Variants in FMNL3 observed in about 807,000 individuals in gnomAD.
The protein encoded by FMNL3 is formin-like protein 3.
Under a neutral mutation model 119.6 loss-of-function variants are expected in FMNL3, and 57 were observed. The observed-to-expected ratio is 0.48, with a 90% CI of 0.39 to 0.59. The LOEUF (loss-of-function observed/expected upper bound fraction) is 0.59, where lower values mean the gene tolerates loss of function less well. Among genes scored for constraint, FMNL3 ranks in the 20% least tolerant of loss-of-function variants. FMNL3 has a pLI of 0.00. For synonymous variants in FMNL3, 491 were observed against 507.3 expected, an observed-to-expected ratio of 0.97 and a Z score of 0.43; for missense variants, 1,053 against 1,323.5, an observed-to-expected ratio of 0.80 and a Z score of 3.17.
At chr12:49,673,255 G>A (rs1360361880) in intron 1 of FMNL3, among the ~76,000 whole-genome samples, 3 of 152,200 alleles carry the variant, frequency 2.0e-5, no homozygotes, top group Admixed American at 1.3e-4. Context: ...GCCCCTGACC[G>A]CAGGTCCAAG....
chr12:49,679,012 T>C (rs1455194182), intron 1 of FMNL3, among the ~76,000 whole-genome samples: 1 of 152,052 alleles, frequency 6.6e-6, no homozygotes, highest in African/African-American at 2.4e-5. Context: ...ATAAGTAGGA[T>C]AATAACAATA....
Position 49,640,393 on chromosome 12 carries a change from T to C in FMNL3, c.*5422A>G, listed in dbSNP as rs1216407980. 6.6e-6 allele frequency: 1 copy of C among 152,186 alleles called. No individual in the cohort carries two copies. Among genetic ancestry groups the C allele is most frequent in the Non-Finnish European group, 1.5e-5 (1 of 68,056 alleles). 9.4% of individuals were successfully genotyped at this position (152,186 alleles called of 1,614,324 possible). The stretch of plus-strand genomic sequence containing the variant: ...TAAGTGCTGTTCTCAGGAACATGCA[T>C]ATGCAAGAGAATAAAAGGTCAGAGA... On this transcript the variant is annotated 3_prime_UTR_variant, in exon 26 of 26. Transcript: ENST00000335154.
At chr12:49,672,535 G>A (rs1208672220) in intron 1 of FMNL3, among the ~76,000 whole-genome samples, 2 of 152,222 alleles carry the variant, frequency 1.3e-5, no homozygotes, top group Admixed American at 1.3e-4. Context: ...CCAGTTTGAG[G>A]CCAGGCAAAT....
Position 49,649,640 on chromosome 12 carries a change from G to A in FMNL3, c.2235+51C>T. On this transcript the variant is annotated intron_variant, in intron 18 of 25. Coordinates refer to ENST00000335154, the MANE Select transcript of FMNL3 (RefSeq NM_175736.5). This position sits in a 1 kb window ranked among gnomAD's most constrained non-coding sequence, Gnocchi z 5.6. ...AGGGCAGGGGAGGTGACTAGCAGAT[G>A]GAGGGTGGAGGGACAGCTGTCCAGA... 6.2e-7 allele frequency: 1 copy of A among 1,610,816 alleles called. No individual in the cohort carries two copies. The highest frequency in any genetic ancestry group is 8.5e-7 in the Non-Finnish European group (1 of 1,177,068).
intron 25 of FMNL3, 153 bp downstream of exon 25, chr12:49,646,733 T>C (rs1489423818): frequency 6.4e-7 from 1 of 1,569,776 alleles, no homozygotes; most frequent in Non-Finnish European, 8.6e-7. Flanking sequence ...GTACGGGCCG[T>C]GAAAGGGACA....
At chr12:49,685,282 C>A (rs1171049676) in intron 1 of FMNL3, among the ~76,000 whole-genome samples, 1 of 151,852 alleles carries the variant, frequency 6.6e-6, no homozygotes, top group African/African-American at 2.4e-5. Flanking sequence ...CCCAGGAGTT[C>A]GAGACCAGCC....
chr12:49,696,847 A>C (rs902147231), intron 1 of FMNL3, among the ~76,000 whole-genome samples: 1 of 152,234 alleles, frequency 6.6e-6, no homozygotes, highest in Non-Finnish European at 1.5e-5. Flanking sequence ...ACCAATAACC[A>C]GGGCTCCTTC....
rs1168653116 is a variant in FMNL3 at position 49,654,898 on chromosome 12, C to G, written c.960+12G>C. On this transcript the variant is annotated intron_variant, in intron 10 of 25. Transcript: ENST00000335154. ...TGGTGGGTATGTGCTGGACCCAGGC[C>G]CAGTTCCTCACCATGAAGTCAATAT... 13 of 1,613,406 alleles carry G rather than the reference C, an allele frequency of 8.1e-6. No homozygotes were observed. Among genetic ancestry groups the G allele is most frequent in the South Asian group, 2.2e-5 (2 of 91,024 alleles).
Position 49,649,598 on chromosome 12 carries a change from G to A in FMNL3, c.2236-60C>T. 1 of 1,611,992 alleles carries A rather than the reference G, an allele frequency of 6.2e-7. No homozygotes were observed. Among genetic ancestry groups the A allele is most frequent in the South Asian group, 1.1e-5 (1 of 90,982 alleles). On this transcript the variant is annotated intron_variant, in intron 18 of 25. Transcript: ENST00000335154. The surrounding 1 kb of genome is among the most constrained non-coding windows in gnomAD (Gnocchi z 5.6). Reference sequence around the variant, plus strand: ...GCTGAGATGGGGTAAAGACAGGGAGGGGTCAGAAGGACTGGAAGGGCAGGG... The same window carrying A: ...GCTGAGATGGGGTAAAGACAGGGAGAGGTCAGAAGGACTGGAAGGGCAGGG...
intron 1 of FMNL3, among the ~76,000 whole-genome samples, chr12:49,703,742 GC>G (rs1232086520): frequency 2.0e-5 from 3 of 152,140 alleles, no homozygotes; most frequent in African/African-American, 7.2e-5. Context: ...TCTTCTCATA[GC>G]CCTCATCTCA....
intron 5 of FMNL3, chr12:49,661,690 C>T (rs1943738272): frequency 5.0e-6 from 2 of 403,308 alleles, no homozygotes; most frequent in Non-Finnish European, 9.0e-6. Context: ...CATTTGGATG[C>T]CTTGGGTTCT....
In FMNL3 at chr12:49,707,149, G is replaced by A. The variant is rs929123325; in HGVS notation, c.32C>T (p.Pro11Leu). The A allele has an allele frequency of 4.4e-6, 7 of 1,592,426 alleles. No individual in the cohort carries two copies. The highest frequency in any genetic ancestry group is 4.1e-5 in the African/African-American group (3 of 73,328). MGNLESAEGV[P>L]GEPPSVPLLL... ...CAACGGGACAGAGGGGGGCTCTCCC[G>A]GGACCCCCTCGGCGCTCTCCAGGTT... The change falls in exon 1 of 26, where the codon CCG (proline) becomes CTG (leucine). Residue 11 changes from proline (P) to leucine (L), a missense_variant. Physicochemically the swap from Pro to Leu is moderately conservative, Grantham distance 98 (BLOSUM62 -3). Coordinates refer to ENST00000335154, the MANE Select transcript of FMNL3 (RefSeq NM_175736.5).
intron 1 of FMNL3, among the ~76,000 whole-genome samples, chr12:49,677,317 A>C (rs1409623451): frequency 6.6e-6 from 1 of 152,204 alleles, no homozygotes; most frequent in Non-Finnish European, 1.5e-5. Flanking sequence ...ACCCTCCTAG[A>C]GGCACACATA....
intron 9 of FMNL3, among the ~76,000 whole-genome samples, chr12:49,655,617 G>A (rs1189340273): frequency 1.3e-5 from 2 of 152,128 alleles, no homozygotes; most frequent in African/African-American, 4.8e-5. Flanking sequence ...AGGGAAAGAA[G>A]GAGGAAGGGA....
At position 49,649,954 on chromosome 12, in the gene FMNL3, T is replaced by C; in HGVS notation, c.2001-29A>G. 6.4e-7 allele frequency: 1 copy of C among 1,568,414 alleles called. No individual in the cohort carries two copies. Among genetic ancestry groups the C allele is most frequent in the Non-Finnish European group, 8.7e-7 (1 of 1,145,138 alleles). On this transcript the variant is annotated intron_variant, in intron 17 of 25. Coordinates refer to ENST00000335154, the MANE Select transcript of FMNL3 (RefSeq NM_175736.5). This position sits in a 1 kb window ranked among gnomAD's most constrained non-coding sequence, Gnocchi z 5.6. Reference sequence around the variant, plus strand: ...TGGAGGAGGGAGGGACCACCTCAGTTCTCACATCTCTCCACGTTTTCCCTC... The same window carrying C: ...TGGAGGAGGGAGGGACCACCTCAGTCCTCACATCTCTCCACGTTTTCCCTC...
intron 4 of FMNL3, among the ~76,000 whole-genome samples, chr12:49,664,404 T>TA (rs1011584891): frequency 1.3e-5 from 2 of 151,978 alleles, no homozygotes; most frequent in African/African-American, 2.4e-5. Context: ...GACCCTGTCT[T>TA]AAAAAACAAA....
intron 1 of FMNL3, 36 bp from the exon 2 acceptor site, chr12:49,668,590 T>A: frequency 6.3e-7 from 1 of 1,587,130 alleles, no homozygotes. Flanking sequence ...GGCTGAAACC[T>A]CCCCTCATCT....
Position 49,641,902 on chromosome 12 carries a change from C to G in FMNL3, c.*3913G>C. 5 of 1,612,476 alleles carry G rather than the reference C, an allele frequency of 3.1e-6. No individual in the cohort carries two copies. Among genetic ancestry groups the G allele is most frequent in the Non-Finnish European group, 4.2e-6 (5 of 1,179,748 alleles). On this transcript the variant is annotated 3_prime_UTR_variant, in exon 26 of 26. Transcript: ENST00000335154. ...GCCCCTGCTTCATGCACTGCTGTAC[C>G]CACAGGACCGGGGCTTCTGCGTGGA...
Position 49,641,719 on chromosome 12 carries a change from G to A in FMNL3, c.*4096C>T. On this transcript the variant is annotated 3_prime_UTR_variant, in exon 26 of 26. Coordinates refer to ENST00000335154, the MANE Select transcript of FMNL3 (RefSeq NM_175736.5). ...AGCTCTGTGTGACATCCAAACCAAG[G>A]GTAGGCATGGGGGCTTAATTGTCAA... 1.7e-6 allele frequency: 1 copy of A among 588,260 alleles called. No individual in the cohort carries two copies. The highest frequency in any genetic ancestry group is 3.0e-6 in the Non-Finnish European group (1 of 330,332). 36.4% of individuals were successfully genotyped at this position (588,260 alleles called of 1,614,324 possible). A position where few individuals can be genotyped will look rare whatever the true frequency, so the allele number is the denominator to read the frequency against.
Sources: gnomAD v4.1 joint callset for allele counts (sites outside exome capture counted in the v4.1 genomes callset) on GRCh38, gnomAD v4.1.1 for gene constraint, Gnocchi (gnomAD v3.1) non-coding constraint, MANE v1.5 for transcripts, NCBI Gene and HGNC (gene_info 2026-07-23, HGNC 2026-07-21) for gene names.